ACTR3C: variants seen among roughly 807,000 people sequenced by gnomAD.
ACTR3C encodes the protein actin-related protein 3C.
ACTR3C carries 18 observed loss-of-function variants against 26.3 expected under a neutral mutation model. That is an observed-to-expected ratio of 0.68 (90% CI 0.47 to 1.01). ACTR3C has a LOEUF of 1.01. ACTR3C is among the 50% of genes least tolerant of loss of function. The pLI, the probability that ACTR3C is intolerant of heterozygous loss-of-function variation, is 0.00. For synonymous variants in ACTR3C, 55 were observed against 94.5 expected (o/e 0.58, Z 2.42); for missense variants, 184 against 250.7 (o/e 0.73, Z 1.80).
At chr7:150,138,055 C>T in the ACTR3C span, among the ~76,000 whole-genome samples, 1 of 152,044 alleles carries the variant, frequency 6.6e-6, no homozygotes, top group East Asian at 1.9e-4. Context: ...AGGTTTACTT[C>T]CTGAGCATTG....
At chr7:150,033,815 G>C in the ACTR3C span, among the ~76,000 whole-genome samples, 1,765 of 150,442 alleles carry the variant, frequency 0.012, 2 homozygotes, top group Non-Finnish European at 0.017. Context: ...AGAGGGACTG[G>C]CTCTCAGTCC....
chr7:149,902,606 A>G, the ACTR3C span, among the ~76,000 whole-genome samples: 1 of 108,844 alleles, frequency 9.2e-6, no homozygotes, highest in African/African-American at 2.9e-5. Flanking sequence ...AAGAAAAAAA[A>G]GAAAAGAAAT....
chr7:150,315,580 T>G (rs1053726936), intron 1 of ACTR3C, among the ~76,000 whole-genome samples: 6 of 152,240 alleles, frequency 3.9e-5, no homozygotes, highest in African/African-American at 1.4e-4. Flanking sequence ...TATTACAGTT[T>G]TTGAATAGGA....
At chr7:150,021,162 T>A in the ACTR3C span, among the ~76,000 whole-genome samples, 1 of 151,726 alleles carries the variant, frequency 6.6e-6, no homozygotes, top group East Asian at 1.9e-4. Context: ...GTTTTACTCT[T>A]TACACATAGG....
intron 6 of ACTR3C, among the ~76,000 whole-genome samples, chr7:150,283,916 C>A (rs994089409): frequency 6.7e-6 from 1 of 150,368 alleles, no homozygotes; most frequent in African/African-American, 2.5e-5. Flanking sequence ...CCATCTCAGG[C>A]TGTCAGTAGG....
chr7:150,258,508 T>G (rs113476696), intron 6 of ACTR3C, among the ~76,000 whole-genome samples: 1 of 152,076 alleles, frequency 6.6e-6, no homozygotes, highest in Non-Finnish European at 1.5e-5. Flanking sequence ...CACCTTTCAG[T>G]GGTCTGCTAG....
chr7:149,973,753 G>A, the ACTR3C span, among the ~76,000 whole-genome samples: 3 of 151,836 alleles, frequency 2.0e-5, no homozygotes, highest in African/African-American at 4.9e-5. Context: ...TAACCCCAAC[G>A]TGTCTTGCCA....
the ACTR3C span, among the ~76,000 whole-genome samples, chr7:150,063,854 C>T: frequency 1.3e-5 from 2 of 152,168 alleles, no homozygotes; most frequent in East Asian, 3.8e-4. Context: ...GTGGTGCAGA[C>T]ATCAGAGTTA....
the ACTR3C span, among the ~76,000 whole-genome samples, chr7:150,178,295 T>C: frequency 1.3e-5 from 2 of 149,110 alleles, no homozygotes; most frequent in Non-Finnish European, 2.9e-5. Context: ...TTTTTTTTTT[T>C]TTTTGAGACA....
At chr7:149,992,326 C>T in the ACTR3C span, among the ~76,000 whole-genome samples, 2 of 152,234 alleles carry the variant, frequency 1.3e-5, no homozygotes, top group African/African-American at 4.8e-5. Context: ...CATGAAAACA[C>T]CTTCTCTCAT....
the ACTR3C span, among the ~76,000 whole-genome samples, chr7:150,225,772 A>G: frequency 6.6e-6 from 1 of 152,212 alleles, no homozygotes; most frequent in African/African-American, 2.4e-5. Flanking sequence ...ATTTACATAC[A>G]TCAAGATTTA....
intron 3 of ACTR3C, among the ~76,000 whole-genome samples, chr7:150,291,046 A>G (rs533319607): frequency 7.2e-5 from 11 of 152,324 alleles, no homozygotes; most frequent in African/African-American, 2.4e-4. Flanking sequence ...GGATTGTATT[A>G]TATGTACAAT....
chr7:150,174,919 T>A, the ACTR3C span, among the ~76,000 whole-genome samples: 1 of 140,752 alleles, frequency 7.1e-6, no homozygotes, highest in Admixed American at 6.7e-5. Context: ...ATGTTGATTC[T>A]CTCCCAAATT....
the ACTR3C span, among the ~76,000 whole-genome samples, chr7:149,922,915 C>T: frequency 5.9e-4 from 81 of 138,148 alleles, no homozygotes; most frequent in African/African-American, 2.0e-3. Context: ...GAAAAGAATG[C>T]ACATAAAATA....
chr7:150,283,071 C>G (rs1248266338), intron 6 of ACTR3C, among the ~76,000 whole-genome samples: 1 of 141,988 alleles, frequency 7.0e-6, no homozygotes, highest in East Asian at 2.1e-4. Flanking sequence ...ATAAGGGGCT[C>G]CATCTACATG....
chr7:149,895,344 G>A, the ACTR3C span, among the ~76,000 whole-genome samples: 1 of 149,412 alleles, frequency 6.7e-6, no homozygotes, highest in African/African-American at 2.6e-5. Flanking sequence ...AGGAGACAAC[G>A]GTTAATGACG....
At chr7:150,259,441 T>C (rs1306154706) in intron 6 of ACTR3C, among the ~76,000 whole-genome samples, 3 of 152,226 alleles carry the variant, frequency 2.0e-5, no homozygotes, top group East Asian at 1.9e-4. Context: ...TTTTTGCCTA[T>C]CAAAGTATTT....
the ACTR3C span, among the ~76,000 whole-genome samples, chr7:149,896,034 C>CAAAAAAAAAAA: frequency 4.8e-5 from 4 of 83,086 alleles, no homozygotes; most frequent in South Asian, 5.1e-4. Flanking sequence ...CCTGTCTCTA[C>CAAAAAAAAAAA]AAAAAAAAAA....
At chr7:150,298,972 A>G (rs1244152446) in intron 1 of ACTR3C, among the ~76,000 whole-genome samples, 1 of 144,756 alleles carries the variant, frequency 6.9e-6, no homozygotes, top group African/African-American at 2.6e-5. Flanking sequence ...TTGTAATGAA[A>G]ACTTTTTTTT....
Sources: gnomAD v4.1 joint callset for allele counts (sites outside exome capture counted in the v4.1 genomes callset) on GRCh38, gnomAD v4.1.1 for gene constraint, MANE v1.5 for transcripts, NCBI Gene and HGNC (gene_info 2026-07-23, HGNC 2026-07-21) for gene names.